ZMIZ1: variants seen among roughly 807,000 people sequenced by gnomAD.
The protein encoded by ZMIZ1 is zinc finger MIZ domain-containing protein 1.
Under a neutral mutation model 113.9 loss-of-function variants are expected in ZMIZ1, and 17 were observed. The observed-to-expected ratio is 0.15, with a 90% CI of 0.10 to 0.22. The LOEUF (loss-of-function observed/expected upper bound fraction) is 0.22. Among genes scored for constraint, ZMIZ1 ranks in the 10% least tolerant of loss-of-function variants. The pLI is 1.00. For missense variants in ZMIZ1, 1,059 were observed against 1,477.8 expected, an observed-to-expected ratio of 0.72 and a Z score of 4.65; for synonymous variants, 607 against 603.1, an observed-to-expected ratio of 1.01 and a Z score of -0.09.
rs145321135 is a variant in ZMIZ1 at position 79,251,063 on chromosome 10, G to A, written c.281-26118G>A. Among the ~76,000 whole-genome samples, 322 of 152,242 alleles carry A rather than the reference G, an allele frequency of 2.1e-3. 3 individuals are homozygous for A. The highest frequency in any genetic ancestry group is 3.7e-3 in the Non-Finnish European group (254 of 67,992). On this transcript the variant is annotated intron_variant, in intron 7 of 24. Transcript: ENST00000334512. ...GGGACTTGTGGCCATTGTAGAGATCGAGGAGGTGAAGACTGGGCACTGCAC... is the reference window on the plus strand; with the variant it reads ...GGGACTTGTGGCCATTGTAGAGATCAAGGAGGTGAAGACTGGGCACTGCAC...
chr10:79,174,508 A>T (rs1161157985), intron 4 of ZMIZ1, among the ~76,000 whole-genome samples: 2 of 152,146 alleles, frequency 1.3e-5, no homozygotes, highest in Admixed American at 6.5e-5. Context: ...TTTCTCACTG[A>T]GTTTTCATAG....
chr10:79,162,314 C>T (rs1363389178), intron 4 of ZMIZ1, among the ~76,000 whole-genome samples, 181 bp downstream of exon 4: 2 of 152,344 alleles, frequency 1.3e-5, no homozygotes, highest in African/African-American at 4.8e-5. Flanking sequence ...TGTCCCTCTA[C>T]CTGGCACCCA....
intron 7 of ZMIZ1, among the ~76,000 whole-genome samples, chr10:79,241,485 C>T (rs1427107654): frequency 6.6e-6 from 1 of 152,162 alleles, no homozygotes; most frequent in Non-Finnish European, 1.5e-5. Flanking sequence ...GGAAGTCCTT[C>T]CCCTGGCTGC....
chr10:79,108,657 C>G (rs1177656943), intron 1 of ZMIZ1, among the ~76,000 whole-genome samples: 1 of 152,024 alleles, frequency 6.6e-6, no homozygotes, highest in Non-Finnish European at 1.5e-5. Flanking sequence ...ACCATCACCC[C>G]CTAATACACA....
chr10:79,238,521 C>G (rs1011851903), intron 7 of ZMIZ1, among the ~76,000 whole-genome samples: 7 of 152,154 alleles, frequency 4.6e-5, no homozygotes, highest in Non-Finnish European at 1.5e-5. Flanking sequence ...ATGCTAAACT[C>G]TAAAAAGAAA....
At chr10:79,127,490 A>C (rs1011528673) in intron 2 of ZMIZ1, among the ~76,000 whole-genome samples, 1 of 150,590 alleles carries the variant, frequency 6.6e-6, no homozygotes, top group African/African-American at 2.4e-5. Flanking sequence ...CAGCCACCCC[A>C]CAGCAGGGGG....
chr10:79,165,964 G>GCGTGTCTGGGCTCTCCCTGCAGCTCAGC (rs1554860929), intron 4 of ZMIZ1, among the ~76,000 whole-genome samples: 5 of 142,096 alleles, frequency 3.5e-5, no homozygotes, highest in Non-Finnish European at 6.1e-5. Flanking sequence ...GTGTGTGTGT[G>GCGTGTCTGGGCTCTCCCTGCAGCTCAGC]TGTGTGTGTG....
At chr10:79,111,427 G>T (rs1490732660) in intron 1 of ZMIZ1, among the ~76,000 whole-genome samples, 1 of 152,204 alleles carries the variant, frequency 6.6e-6, no homozygotes, top group Non-Finnish European at 1.5e-5. Flanking sequence ...CATTCCCGGG[G>T]AAAGGTGTAC....
intron 1 of ZMIZ1, among the ~76,000 whole-genome samples, chr10:79,078,572 T>TC (rs1332337399): frequency 7.2e-6 from 1 of 139,250 alleles, no homozygotes; most frequent in African/African-American, 2.7e-5. Flanking sequence ...ACCCCCGACT[T>TC]TTTTTTTTTT....
chr10:79,252,254 A>G (rs777785837), intron 7 of ZMIZ1, among the ~76,000 whole-genome samples: 1 of 152,028 alleles, frequency 6.6e-6, no homozygotes, highest in Non-Finnish European at 1.5e-5. Flanking sequence ...CATCAGGCCT[A>G]CCAGGGGCCC....
intron 7 of ZMIZ1, among the ~76,000 whole-genome samples, chr10:79,256,529 C>G (rs1850914896): frequency 6.6e-6 from 1 of 152,248 alleles, no homozygotes; most frequent in African/African-American, 2.4e-5. Context: ...AGGGCGGCCA[C>G]TCCAGGGAGG....
intron 7 of ZMIZ1, among the ~76,000 whole-genome samples, chr10:79,273,949 A>G (rs1243841170): frequency 2.6e-5 from 4 of 152,270 alleles, no homozygotes; most frequent in Admixed American, 6.5e-5. Context: ...GTACTGGCCA[A>G]GGCTGTCCTG....
At chr10:79,304,443 A>T (rs1854544818) in intron 19 of ZMIZ1, among the ~76,000 whole-genome samples, 1 of 152,206 alleles carries the variant, frequency 6.6e-6, no homozygotes, top group Non-Finnish European at 1.5e-5. Context: ...TCCCACACAC[A>T]TGTCAGGGCT....
At chr10:79,268,934 C>T (rs938495261) in intron 7 of ZMIZ1, among the ~76,000 whole-genome samples, 1 of 152,112 alleles carries the variant, frequency 6.6e-6, no homozygotes, top group East Asian at 1.9e-4. Flanking sequence ...TTGGAGCAGG[C>T]AAGGAGCAAA....
At chr10:79,125,514 G>A (rs989264372) in intron 2 of ZMIZ1, among the ~76,000 whole-genome samples, 4 of 152,206 alleles carry the variant, frequency 2.6e-5, no homozygotes, top group Admixed American at 2.6e-4. Context: ...TACTGAGGGC[G>A]CTTCTCCCTC....
At chr10:79,109,512 T>A (rs2132289023) in intron 1 of ZMIZ1, among the ~76,000 whole-genome samples, 1 of 152,270 alleles carries the variant, frequency 6.6e-6, no homozygotes, top group South Asian at 2.1e-4. Context: ...CCTCAGCATC[T>A]CCACCCCACC....
intron 4 of ZMIZ1, among the ~76,000 whole-genome samples, chr10:79,194,798 C>A (rs549068157): frequency 1.2e-4 from 19 of 152,320 alleles, no homozygotes; most frequent in Non-Finnish European, 1.9e-4. Context: ...TACATAATAG[C>A]CGCTAACTTT....
At chr10:79,186,074 G>C (rs1323638155) in intron 4 of ZMIZ1, among the ~76,000 whole-genome samples, 1 of 152,128 alleles carries the variant, frequency 6.6e-6, no homozygotes, top group African/African-American at 2.4e-5. Flanking sequence ...GGATGTTTTT[G>C]AGGGCACTGT....
chr10:79,078,847 C>A (rs1422752429), intron 1 of ZMIZ1, among the ~76,000 whole-genome samples: 1 of 151,636 alleles, frequency 6.6e-6, no homozygotes, highest in African/African-American at 2.4e-5. Flanking sequence ...CCATGCCTAG[C>A]CCCACCCTTT....
Sources: allele counts gnomAD v4.1 joint callset (sites outside exome capture counted in the v4.1 genomes callset), GRCh38; gene constraint gnomAD v4.1.1; transcripts MANE v1.5; gene names NCBI Gene and HGNC (gene_info 2026-07-23, HGNC 2026-07-21).